Variants in CSPG4 observed in about 807,000 individuals in gnomAD.
The protein encoded by CSPG4 is chondroitin sulfate proteoglycan 4 (melanoma-associated).
In CSPG4, 74 loss-of-function variants were observed where a neutral mutation model predicts 139.3. That is an observed-to-expected ratio of 0.53 (90% CI 0.44 to 0.64). The LOEUF (loss-of-function observed/expected upper bound fraction) is 0.64. CSPG4 is among the 30% of genes least tolerant of loss of function. The probability of loss-of-function intolerance (pLI) is 0.00; values close to 1 mark genes in which losing one functional copy is unlikely to be tolerated. For synonymous variants in CSPG4, 1,234 were observed against 1,394.2 expected (o/e 0.89, Z 2.56); for missense variants, 2,565 against 3,148.3 (o/e 0.81, Z 4.43).
At chr15:75,684,648 A>G in intron 5 of CSPG4, 88 bp downstream of exon 5, 2 of 1,273,338 alleles carry the variant, frequency 1.6e-6, no homozygotes, top group Admixed American at 4.2e-5. Flanking sequence ...ACTGAGGATC[A>G]GAGCTGGGGG....
Position 75,687,930 on chromosome 15 carries a change from G to T in CSPG4, c.3135C>A (p.Ser1045Arg). 6.2e-7 allele frequency: 1 copy of T among 1,612,938 alleles called. No homozygotes were observed. The highest frequency in any genetic ancestry group is 1.3e-5 in the African/African-American group (1 of 75,074). The change falls in exon 3 of 10, where the codon AGC (serine) becomes AGA (arginine). Residue 1045 changes from serine to arginine, a missense_variant. By Grantham distance (110) the Ser-to-Arg change is moderately radical (BLOSUM62 -1). This residue lies in a region of CSPG4 where 2,316 missense variants were observed against 2,818.2 expected (regional missense o/e 0.82). Transcript: ENST00000308508. The surrounding 1 kb of genome is among the most constrained non-coding windows in gnomAD (Gnocchi z 5.4). ...RLLTTDDVAFSDADSGFADAQ... is the reference protein window; with the variant it reads ...RLLTTDDVAFRDADSGFADAQ... ...CGTCAGCAAAGCCCGAGTCAGCATC[G>T]CTGAAGGCCACGTCGTCTGTAGTCA...
rs1443176311 is a variant in CSPG4, at chr15:75,676,560, A to G, written c.5959T>C (p.Tyr1987His). Residue 1987 changes from tyrosine (Y) to histidine (H), a missense_variant, in exon 10 of 10, where the codon TAT becomes CAT. Physicochemically the swap from Tyr to His is moderately conservative, Grantham distance 83 (BLOSUM62 2). This residue lies in a region of CSPG4 where 2,316 missense variants were observed against 2,818.2 expected (regional missense o/e 0.82). Transcript: ENST00000308508. ...CGCCCGCCCACCAGGAGATGCCCATACTGGGGTCCCTGGATGAGGCGGTAT... is the reference window on the plus strand; with the variant it reads ...CGCCCGCCCACCAGGAGATGCCCATGCTGGGGTCCCTGGATGAGGCGGTAT... The part of the protein sequence containing the change: ...AAYRLIQGPQ[Y>H]GHLLVGGRPT... The G allele has an allele frequency of 6.2e-7, 1 of 1,613,636 alleles. No homozygotes were observed. The highest frequency in any genetic ancestry group is 1.7e-5 in the Admixed American group (1 of 60,026).
chr15:75,692,239 C>T (rs1894173882), intron 2 of CSPG4, among the ~76,000 whole-genome samples: 1 of 152,214 alleles, frequency 6.6e-6, no homozygotes. Context: ...CCGCCTCAGC[C>T]TCCCAAAGTG....
intron 1 of CSPG4, among the ~76,000 whole-genome samples, chr15:75,710,457 G>A (rs934946002): frequency 6.6e-6 from 1 of 152,070 alleles, no homozygotes; most frequent in Non-Finnish European, 1.5e-5. Flanking sequence ...ACGCAGGCTG[G>A]GAGCACCCTC....
At position 75,689,860 on chromosome 15, in the gene CSPG4, G is replaced by T. The variant is rs776397541; in HGVS notation, c.1205C>A (p.Ala402Asp). The T allele has an allele frequency of 3.1e-6, 5 of 1,612,506 alleles. No homozygotes were observed. The South Asian group carries it at 5.5e-5, about 18-fold the overall frequency. Reference sequence around the variant, plus strand: ...CTCCATGGCTGGCCAAGCCTCAGGGGCCAGGGTGGAGAAAGCTTCATAATG... The same window carrying T: ...CTCCATGGCTGGCCAAGCCTCAGGGTCCAGGGTGGAGAAAGCTTCATAATG... ...YGHYEAFSTLAPEAWPAMELP... is the reference protein window; with the variant it reads ...YGHYEAFSTLDPEAWPAMELP... The change falls in exon 3 of 10, where the codon GCC becomes GAC. Residue 402 changes from alanine (A) to aspartate (D), a missense_variant. Around this residue, in one of 5 missense-constraint regions of CSPG4, gnomAD observed 2,316 missense variants for 2,818.2 expected, o/e 0.82. Coordinates refer to ENST00000308508, the MANE Select transcript of CSPG4 (RefSeq NM_001897.5).
rs1894261607 is a variant in CSPG4 at position 75,698,731 on chromosome 15, G to A, written c.89-5498C>T. ...TCAGGCAAGGGAGAAGCTGTCTGGT[G>A]TGCCTACTCAGGGGTGAGCCCCTCT... On this transcript the variant is annotated intron_variant, in intron 1 of 9. Coordinates refer to ENST00000308508, the MANE Select transcript of CSPG4 (RefSeq NM_001897.5). This position sits in a 1 kb window ranked among gnomAD's most constrained non-coding sequence, Gnocchi z 4.3. Among the ~76,000 whole-genome samples, 1 of 152,090 alleles carries A rather than the reference G, an allele frequency of 6.6e-6. No individual in the cohort carries two copies. The highest frequency in any genetic ancestry group is 6.5e-5 in the Admixed American group (1 of 15,276).
chr15:75,711,868 G>C lies in CSPG4; in HGVS notation c.88+800C>G, dbSNP rs530648189. ...GGGTTTCTGGCATCGGGACAGAGAG[G>C]GGATATATCCCAGCACTTCTCGGAA... is the stretch of plus-strand genomic sequence containing the variant. On this transcript the variant is annotated intron_variant, in intron 1 of 9. Transcript: ENST00000308508. Among the ~76,000 whole-genome samples, 11 of 152,318 alleles carry C rather than the reference G, an allele frequency of 7.2e-5. No individual in the cohort carries two copies. In the East Asian group the frequency reaches 1.9e-3, roughly 27 times the overall value.
intron 1 of CSPG4, among the ~76,000 whole-genome samples, chr15:75,702,369 G>A (rs1894315985): frequency 2.0e-5 from 3 of 152,252 alleles, no homozygotes; most frequent in African/African-American, 7.2e-5. Context: ...GCTCTTTCAG[G>A]AAAAAAGCCC....
rs1015904838 is a variant in CSPG4 at position 75,684,901 on chromosome 15, C to T, written c.4284G>A (p.Gln1428=). The change falls in exon 5 of 10, where the codon CAG becomes CAA. Residue 1428 remains glutamine (Q), a synonymous_variant. Coordinates refer to ENST00000308508, the MANE Select transcript of CSPG4 (RefSeq NM_001897.5). ...TCCCGTCATGCACGTAGCGGATCAG[C>T]TGCTCTTCCACCTAGGGGCAGGCCC... ...SAFSWRMVEE[Q]LIRYVHDGSE... The T allele has an allele frequency of 2.5e-6, 4 of 1,608,746 alleles. No individual in the cohort carries two copies. The highest frequency in any genetic ancestry group is 3.4e-6 in the Non-Finnish European group (4 of 1,175,904).
chr15:75,696,762 G>A lies in CSPG4; in HGVS notation c.89-3529C>T, dbSNP rs118056671. Among the ~76,000 whole-genome samples, 1,341 of 152,258 alleles carry A rather than the reference G, an allele frequency of 8.8e-3. 15 individuals are homozygous for A. The highest frequency in any genetic ancestry group is 0.011 in the Non-Finnish European group (734 of 67,998). On this transcript the variant is annotated intron_variant, in intron 1 of 9. Transcript: ENST00000308508. The surrounding 1 kb of genome is among the most constrained non-coding windows in gnomAD (Gnocchi z 4.2). ...CACTGCTGTCTGGGCCTGAGGGTGGGGTGGCTCCATCCTTCTTCCTGAGAT... is the reference window on the plus strand; with the variant it reads ...CACTGCTGTCTGGGCCTGAGGGTGGAGTGGCTCCATCCTTCTTCCTGAGAT...
rs1893898586 is a variant in CSPG4, at chr15:75,676,714, C to A, written c.5805G>T (p.Val1935=). The A allele has an allele frequency of 6.3e-7, 1 of 1,587,454 alleles. No homozygotes were observed. Among genetic ancestry groups the A allele is most frequent in the Non-Finnish European group, 8.6e-7 (1 of 1,164,830 alleles). Residue 1935 remains valine (V), a synonymous_variant, in exon 10 of 10, where the codon GTG becomes GTT. Transcript: ENST00000308508. The part of the protein sequence containing the change: ...ASPPLPMSLA[V]DILPSAIEVQ... ...CCTCGATGGCGGATGGTAGGATGTC[C>A]ACAGCCAGGGACATGGGCAGGGGTG... is the stretch of plus-strand genomic sequence containing the variant.
In CSPG4 at chr15:75,698,707, C is replaced by T. The variant is rs545087667; in HGVS notation, c.89-5474G>A. 3.3e-4 allele frequency among the ~76,000 whole-genome samples: 50 copies of T among 152,174 alleles called. No homozygotes were observed. The highest frequency in any genetic ancestry group is 1.1e-3 in the African/African-American group (46 of 41,528). ...AGCACATTGGTCTCCCTGGGCTCCT[C>T]AGGCAAGGGAGAAGCTGTCTGGTGT... On this transcript the variant is annotated intron_variant, in intron 1 of 9. Coordinates refer to ENST00000308508, the MANE Select transcript of CSPG4 (RefSeq NM_001897.5). This position sits in a 1 kb window ranked among gnomAD's most constrained non-coding sequence, Gnocchi z 4.3.
At chr15:75,681,622 C>T (rs776248785) in intron 8 of CSPG4, among the ~76,000 whole-genome samples, 1 of 152,246 alleles carries the variant, frequency 6.6e-6, no homozygotes, top group Non-Finnish European at 1.5e-5. Flanking sequence ...TGCTATGGAA[C>T]AACTCCTGTT....
chr15:75,695,367 A>G (rs1894212169), intron 1 of CSPG4, among the ~76,000 whole-genome samples: 1 of 152,164 alleles, frequency 6.6e-6, no homozygotes, highest in African/African-American at 2.4e-5. Context: ...GGAGGGTGGC[A>G]GGAAGTAGAG....
In CSPG4 at chr15:75,674,535, C is replaced by T. The variant is rs930606157; in HGVS notation, c.*1015G>A. ...TCCATCCCACTGGCTGAGGCCAGGC[C>T]GGAGGGCCGACCCCAGGGGCCCTCT... is the stretch of plus-strand genomic sequence containing the variant. On this transcript the variant is annotated 3_prime_UTR_variant, in exon 10 of 10. Transcript: ENST00000308508. The T allele has an allele frequency of 2.8e-5, 11 of 389,292 alleles. No homozygotes were observed. Among genetic ancestry groups the T allele is most frequent in the East Asian group, 7.2e-5 (2 of 27,608 alleles). The allele number at this position is 389,292 out of a possible 1,614,324, so 24.1% of individuals were successfully genotyped here. A position where few individuals can be genotyped will look rare whatever the true frequency, so the allele number is the denominator to read the frequency against.
At position 75,676,806 on chromosome 15, in the gene CSPG4, C is replaced by T. The variant is rs374289072; in HGVS notation, c.5713G>A (p.Ala1905Thr). Residue 1905 changes from alanine to threonine, a missense_variant, in exon 10 of 10, where the codon GCC becomes ACC. Coordinates refer to ENST00000308508, the MANE Select transcript of CSPG4 (RefSeq NM_001897.5). ...TQADVDSGRL[A>T]FVANGSSVAG... Reference sequence around the variant, plus strand: ...ACGCTGCTCCCGTTGGCCACGAAGGCCAGCCGCCCTGAATCCACATCGGCT... The same window carrying T: ...ACGCTGCTCCCGTTGGCCACGAAGGTCAGCCGCCCTGAATCCACATCGGCT... The T allele has an allele frequency of 3.9e-6, 6 of 1,543,332 alleles. No individual in the cohort carries two copies. Among genetic ancestry groups the T allele is most frequent in the Non-Finnish European group, 4.4e-6 (5 of 1,143,958 alleles).
chr15:75,711,078 C>T (rs1894441429), intron 1 of CSPG4, among the ~76,000 whole-genome samples: 1 of 152,256 alleles, frequency 6.6e-6, no homozygotes, highest in Non-Finnish European at 1.5e-5. Flanking sequence ...CACCCCTCTG[C>T]TTACGCCCAC....
intron 1 of CSPG4, among the ~76,000 whole-genome samples, chr15:75,701,129 C>T (rs1400418240): frequency 6.6e-6 from 1 of 152,142 alleles, no homozygotes; most frequent in Non-Finnish European, 1.5e-5. Context: ...AGAGGTGTGG[C>T]CACTACCGTG....
intron 1 of CSPG4, among the ~76,000 whole-genome samples, chr15:75,707,514 C>G (rs1474719350): frequency 6.6e-6 from 1 of 152,150 alleles, no homozygotes; most frequent in African/African-American, 2.4e-5. Flanking sequence ...GAGTGAGGGC[C>G]AGCAGGCAGT....
Sources: allele counts gnomAD v4.1 joint callset (sites outside exome capture counted in the v4.1 genomes callset), GRCh38; gene constraint gnomAD v4.1.1; regional missense constraint gnomAD v4.1.1; non-coding constraint Gnocchi (gnomAD v3.1); transcripts MANE v1.5; gene names NCBI Gene and HGNC (gene_info 2026-07-23, HGNC 2026-07-21).